CEACAM16: variants seen among roughly 807,000 people sequenced by gnomAD.
The protein encoded by CEACAM16 is CEA cell adhesion molecule 16, tectorial membrane component.
CEACAM16 carries 30 observed loss-of-function variants against 39.4 expected under a neutral mutation model. That is an observed-to-expected ratio of 0.76 (90% CI 0.57 to 1.03). The LOEUF (loss-of-function observed/expected upper bound fraction) is 1.03, where lower values mean the gene tolerates loss of function less well. Ranked by LOEUF, CEACAM16 falls within the 50% of genes least tolerant of loss-of-function variation. The pLI is 0.00. For missense variants in CEACAM16, 521 were observed against 585.3 expected, an observed-to-expected ratio of 0.89 and a Z score of 1.13; for synonymous variants, 262 against 264.9, an observed-to-expected ratio of 0.99 and a Z score of 0.11.
At chr19:44,703,748 C>A in intron 3 of CEACAM16, 55 bp downstream of exon 3, 3 of 1,275,292 alleles carry the variant, frequency 2.4e-6, no homozygotes, top group East Asian at 2.6e-5. Context: ...CCATCTCCTT[C>A]TCAATCCTTC....
chr19:44,705,569 A>C (rs1475867758), intron 4 of CEACAM16, 21 bp from the exon 5 acceptor site: 1 of 1,574,882 alleles, frequency 6.3e-7, no homozygotes, highest in South Asian at 1.2e-5. Flanking sequence ...TGCCCCATCT[A>C]TCTCCCTCCT....
At position 44,705,864 on chromosome 19, in the gene CEACAM16, C is replaced by T. The variant is rs775440282; in HGVS notation, c.936C>T (p.Leu312=). 9.3e-6 allele frequency: 15 copies of T among 1,609,900 alleles called. No homozygotes were observed. The highest frequency in any genetic ancestry group is 1.3e-5 in the African/African-American group (1 of 74,856). ...LSGSASVVVK[L]SAAAVATMIV... is the part of the protein sequence containing the mutation. ...GATCTGCCTCAGTCGTGGTCAAGCT[C>T]TCTGGTGAGTCACCCCCAGCCTGAC... Residue 312 remains leucine (L), a synonymous_variant, in exon 5 of 7, where the codon CTC becomes CTT. Transcript: ENST00000587331.
intron 1 of CEACAM16, among the ~76,000 whole-genome samples, chr19:44,700,499 G>A (rs1599806532): frequency 1.3e-5 from 2 of 152,018 alleles, no homozygotes; most frequent in Admixed American, 6.6e-5. Flanking sequence ...GGCTGATCTC[G>A]AACTCCTGAC....
rs896507014 is a variant in CEACAM16, at chr19:44,708,049, A to G, written c.1129A>G (p.Thr377Ala). Residue 377 changes from threonine (T) to alanine (A), a missense_variant, in exon 6 of 7, where the codon ACA becomes GCA. By Grantham distance (58) the Thr-to-Ala change is moderately conservative. Coordinates refer to ENST00000587331, the MANE Select transcript of CEACAM16 (RefSeq NM_001039213.4). ...SGTWIAGPAH[T>A]GREVGFPNCS... ...AACCTGGATTGCAGGCCCCGCGCAC[A>G]CAGGCCGGGAGGTGGGCTTCCCCAA... The G allele has an allele frequency of 6.2e-7, 1 of 1,612,696 alleles. No individual in the cohort carries two copies. Among genetic ancestry groups the G allele is most frequent in the Non-Finnish European group, 8.5e-7 (1 of 1,179,626 alleles).
chr19:44,699,749 C>T (rs1974315055), intron 1 of CEACAM16, among the ~76,000 whole-genome samples: 1 of 152,208 alleles, frequency 6.6e-6, no homozygotes, highest in South Asian at 2.1e-4. Context: ...GTCCACCAGG[C>T]TCTGGCTTAA....
rs1423801299 is a variant in CEACAM16 at position 44,704,751 on chromosome 19, AC to A, written c.661+456del. ...AGATGCTGTCTCAAAAAACAAACAA[AC>A]AAAAAAAAACAACAACAACAAACAA... On this transcript the variant is annotated intron_variant, in intron 4 of 6. Coordinates refer to ENST00000587331, the MANE Select transcript of CEACAM16 (RefSeq NM_001039213.4). 4.3e-3 allele frequency among the ~76,000 whole-genome samples: 399 copies of A among 92,394 alleles called. 1 individual carries two copies. The highest frequency in any genetic ancestry group is 6.9e-3 in the African/African-American group (159 of 23,122). 60.6% of individuals were successfully genotyped at this position (92,394 alleles called of 152,430 possible). A position where few individuals can be genotyped will look rare whatever the true frequency, so the allele number is the denominator to read the frequency against.
chr19:44,702,304 ACAACCCCAAAC>A (rs1173536591), intron 2 of CEACAM16, among the ~76,000 whole-genome samples: 1 of 151,798 alleles, frequency 6.6e-6, no homozygotes, highest in Non-Finnish European at 1.5e-5. Flanking sequence ...AAAAAAAAAA[ACAACCCCAAAC>A]CACCTATGAG....
Position 44,704,078 on chromosome 19 carries a change from C to A in CEACAM16, c.443C>A (p.Thr148Asn). ...NSTALVERRD[T>N]LRLMCSSPSP... Reference sequence around the variant, plus strand: ...ACAGCGCTGGTGGAACGTCGAGACACCCTGCGCCTTATGTGCAGCAGCCCC... The same window carrying A: ...ACAGCGCTGGTGGAACGTCGAGACAACCTGCGCCTTATGTGCAGCAGCCCC... Residue 148 changes from threonine (T) to asparagine (N), a missense_variant, in exon 4 of 7, where the codon ACC (threonine) becomes AAC (asparagine). By Grantham distance (65) the Thr-to-Asn change is moderately conservative. Transcript: ENST00000587331. 6.2e-7 allele frequency: 1 copy of A among 1,610,194 alleles called. No homozygotes were observed. The highest frequency in any genetic ancestry group is 8.5e-7 in the Non-Finnish European group (1 of 1,179,168).
intron 5 of CEACAM16, 43 bp downstream of exon 5, chr19:44,705,911 GCCTC>G: frequency 1.9e-6 from 3 of 1,577,082 alleles, no homozygotes; most frequent in Non-Finnish European, 2.6e-6. Flanking sequence ...CCCCATGGAG[GCCTC>G]ATCAGGCTGC....
In CEACAM16 at chr19:44,701,014, T is replaced by C. The variant is rs1251505692; in HGVS notation, c.-96-347T>C. 6.6e-6 allele frequency among the ~76,000 whole-genome samples: 1 copy of C among 152,140 alleles called. No individual in the cohort carries two copies. The highest frequency in any genetic ancestry group is 6.5e-5 in the Admixed American group (1 of 15,274). On this transcript the variant is annotated intron_variant, in intron 1 of 6. Coordinates refer to ENST00000587331, the MANE Select transcript of CEACAM16 (RefSeq NM_001039213.4). This position sits in a 1 kb window ranked among gnomAD's most constrained non-coding sequence, Gnocchi z 4.0. ...ACACCTGTAGGTCCCCTGCACTGGG[T>C]GGGGCTGGGAAAGGTGCAGTCACCT...
chr19:44,703,643 T>C lies in CEACAM16; in HGVS notation c.332T>C (p.Phe111Ser). The C allele has an allele frequency of 6.3e-7, 1 of 1,598,784 alleles. No homozygotes were observed. The highest frequency in any genetic ancestry group is 8.5e-7 in the Non-Finnish European group (1 of 1,170,508). Reference sequence around the variant, plus strand: ...TCAGGCACCTACATCCTGCAGACCTTCAACAGGCAGTTGCAGACCGAGGTG... The same window carrying C: ...TCAGGCACCTACATCCTGCAGACCTCCAACAGGCAGTTGCAGACCGAGGTG... ...RHSGTYILQT[F>S]NRQLQTEVGY... The change falls in exon 3 of 7, where the codon TTC becomes TCC. Residue 111 changes from phenylalanine (F) to serine (S), a missense_variant. Coordinates refer to ENST00000587331, the MANE Select transcript of CEACAM16 (RefSeq NM_001039213.4).
In CEACAM16 at chr19:44,704,071, C is replaced by T. The variant is rs1435499034; in HGVS notation, c.436C>T (p.Arg146Ter). 10 of 1,610,458 alleles carry T rather than the reference C, an allele frequency of 6.2e-6. No homozygotes were observed. The highest frequency in any genetic ancestry group is 1.7e-5 in the Admixed American group (1 of 59,864). The change falls in exon 4 of 7, where the codon CGA becomes TGA. Residue 146 changes from arginine to a stop codon, truncating the protein, a stop_gained. Coordinates refer to ENST00000587331, the MANE Select transcript of CEACAM16 (RefSeq NM_001039213.4). LOFTEE classifies it high-confidence loss of function. ...CAACAGCACAGCGCTGGTGGAACGT[C>T]GAGACACCCTGCGCCTTATGTGCAG... ...LANSTALVER[R>*]DTLRLMCSSP...
rs749931404 is a variant in CEACAM16, at chr19:44,701,525, G to GC, written c.37+38dup. 75 of 1,553,700 alleles carry GC rather than the reference G, an allele frequency of 4.8e-5. 1 individual carries two copies. In the African/African-American group the frequency reaches 8.5e-4, roughly 18 times the overall value. ...GAGAATGGCACCCCCCAGCACCTCA[G>GC]CCCCCCGAGGACCCCAGGGAGGGGA... On this transcript the variant is annotated intron_variant, in intron 2 of 6. Coordinates refer to ENST00000587331, the MANE Select transcript of CEACAM16 (RefSeq NM_001039213.4). This position sits in a 1 kb window ranked among gnomAD's most constrained non-coding sequence, Gnocchi z 4.0.
Position 44,704,311 on chromosome 19 carries a change from C to T in CEACAM16, c.661+15C>T. ...GACCGTGTACTGTGAGTCCTCCTGG[C>T]CCCACTGGAGATACCCAGTGTCCAA... is the stretch of plus-strand genomic sequence containing the variant. On this transcript the variant is annotated intron_variant, in intron 4 of 6. Coordinates refer to ENST00000587331, the MANE Select transcript of CEACAM16 (RefSeq NM_001039213.4). 2 of 1,480,694 alleles carry T rather than the reference C, an allele frequency of 1.4e-6. No individual in the cohort carries two copies. The highest frequency in any genetic ancestry group is 1.3e-5 in the South Asian group (1 of 75,778). The allele number at this position is 1,480,694 out of a possible 1,614,324, so 91.7% of individuals were successfully genotyped here.
At chr19:44,706,311 C>CA (rs1555772273) in intron 5 of CEACAM16, among the ~76,000 whole-genome samples, 1 of 146,136 alleles carries the variant, frequency 6.8e-6, no homozygotes, top group African/African-American at 2.6e-5. Flanking sequence ...CACACACACA[C>CA]AACTGAAGAA....
At chr19:44,700,047 C>CAGTGT (rs1974320376) in intron 1 of CEACAM16, among the ~76,000 whole-genome samples, 2 of 152,166 alleles carry the variant, frequency 1.3e-5, no homozygotes, top group South Asian at 4.1e-4. Flanking sequence ...ACTCTGTCAC[C>CAGTGT]CAGGCTGGAG....
chr19:44,702,896 G>A (rs569341661), intron 2 of CEACAM16, among the ~76,000 whole-genome samples: 1 of 152,354 alleles, frequency 6.6e-6, no homozygotes, highest in Non-Finnish European at 1.5e-5. Flanking sequence ...TGCAAGATGT[G>A]ATGCTAGATC....
Position 44,710,507 on chromosome 19 carries a change from C to A in CEACAM16, c.*1C>A. 6.2e-7 allele frequency: 1 copy of A among 1,613,762 alleles called. No homozygotes were observed. Among genetic ancestry groups the A allele is most frequent in the Non-Finnish European group, 8.5e-7 (1 of 1,179,694 alleles). On this transcript the variant is annotated 3_prime_UTR_variant, in exon 7 of 7. Coordinates refer to ENST00000587331, the MANE Select transcript of CEACAM16 (RefSeq NM_001039213.4). ...CATATGCCCCACAGCCCTGGGGTAA[C>A]AGCGTGACCCTGGAGACGTCCAGAG...
intron 1 of CEACAM16, among the ~76,000 whole-genome samples, chr19:44,699,649 C>CT (rs1299463905): frequency 1.3e-5 from 2 of 152,064 alleles, no homozygotes; most frequent in Non-Finnish European, 2.9e-5. Context: ...AGTGCTAGGA[C>CT]TACAGGCATG....
Sources: allele counts gnomAD v4.1 joint callset (sites outside exome capture counted in the v4.1 genomes callset), GRCh38; gene constraint gnomAD v4.1.1; non-coding constraint Gnocchi (gnomAD v3.1); transcripts MANE v1.5; gene names NCBI Gene and HGNC (gene_info 2026-07-23, HGNC 2026-07-21).